The following NBR1 variants were observed in gnomAD, a reference collection of about 807,000 sequenced individuals.
NBR1 encodes the protein NBR1 autophagy cargo receptor.
Under a neutral mutation model 115.5 loss-of-function variants are expected in NBR1, and 59 were observed. The ratio of observed to expected loss-of-function variants is 0.51; its 90% CI spans 0.41 to 0.63. The LOEUF is 0.63. Ranked by LOEUF, NBR1 falls within the 30% of genes least tolerant of loss-of-function variation. The pLI is 0.00. For synonymous variants in NBR1, 373 were observed against 414.7 expected (o/e 0.90, Z 1.22); for missense variants, 1,043 against 1,150.5 (o/e 0.91, Z 1.35).
Position 43,208,106 on chromosome 17 carries a change from A to G in NBR1, c.2728-1795A>G, listed in dbSNP as rs565276877. Among the ~76,000 whole-genome samples the G allele has an allele frequency of 2.6e-5, 4 of 152,330 alleles. No homozygotes were observed. In the East Asian group the frequency reaches 5.8e-4, roughly 22 times the overall value. Reference sequence around the variant, plus strand: ...TGTTTTAATAAGGGGGACATGGTCAACGGTGTTAGATGCTACAGAGAGATA... The same window carrying G: ...TGTTTTAATAAGGGGGACATGGTCAGCGGTGTTAGATGCTACAGAGAGATA... On this transcript the variant is annotated intron_variant, in intron 20 of 20. Coordinates refer to ENST00000590996, the MANE Select transcript of NBR1 (RefSeq NM_005899.5).
chr17:43,190,710 C>T lies in NBR1; in HGVS notation c.797C>T (p.Ser266Phe), dbSNP rs200688322. The T allele has an allele frequency of 2.7e-4, 432 of 1,614,010 alleles. 1 individual carries two copies. The highest frequency in any genetic ancestry group is 6.6e-4 in the Middle Eastern group (4 of 6,060). ...AAGTTGCGGAGACCTGTTGTGGGCT[C>T]CTCTGAACCGTTCTGTCACTCAAAG... is the stretch of plus-strand genomic sequence containing the variant. Reference protein sequence around the residue: ...LLKLRRPVVGSSEPFCHSKYS... With the variant: ...LLKLRRPVVGFSEPFCHSKYS... The change falls in exon 9 of 21, where the codon TCC (serine) becomes TTC (phenylalanine). Residue 266 changes from serine (S) to phenylalanine (F), a missense_variant. By Grantham distance (155) the Ser-to-Phe change is radical. Transcript: ENST00000590996.
At position 43,193,583 on chromosome 17, in the gene NBR1, T is replaced by C; in HGVS notation, c.1469T>C (p.Ile490Thr). 2 of 1,612,006 alleles carry C rather than the reference T, an allele frequency of 1.2e-6. No homozygotes were observed. The highest frequency in any genetic ancestry group is 8.5e-7 in the Non-Finnish European group (1 of 1,179,098). The change falls in exon 12 of 21, where the codon ATT becomes ACT. Residue 490 changes from isoleucine to threonine, a missense_variant. Transcript: ENST00000590996. Reference protein sequence around the residue: ...PFPSEESPDNIEKGMISSSKT... With the variant: ...PFPSEESPDNTEKGMISSSKT... ...CCCTCCGAAGAGAGCCCTGATAACA[T>C]TGAAAAGGGCATGATCAGCTCAAGC...
chr17:43,182,187 C>T (rs1480393112), intron 5 of NBR1, among the ~76,000 whole-genome samples: 2 of 148,312 alleles, frequency 1.3e-5, no homozygotes, highest in African/African-American at 5.0e-5. Context: ...CATTTTTCAC[C>T]TCTTTCCCTC....
chr17:43,190,562 G>T lies in NBR1; in HGVS notation c.696-47G>T, dbSNP rs549937107. 5.8e-6 allele frequency: 9 copies of T among 1,543,974 alleles called. No homozygotes were observed. In the East Asian group the frequency reaches 2.0e-4, roughly 34 times the overall value. ...ATGGTCTTATATCTCCCTACCCCAG[G>T]TACTTCCTATTCTGCCATTGTGTAT... On this transcript the variant is annotated intron_variant, in intron 8 of 20. Transcript: ENST00000590996.
rs571324658 is a variant in NBR1 at position 43,172,995 on chromosome 17, T to C, written c.-10+1693T>C. Among the ~76,000 whole-genome samples the C allele has an allele frequency of 8.3e-4, 126 of 151,762 alleles. 1 individual carries two copies. The South Asian group carries it at 0.025, about 30-fold the overall frequency. On this transcript the variant is annotated intron_variant, in intron 1 of 20. Transcript: ENST00000590996. ...CGCCCACCACCACGCCTGGCTAAAT[T>C]TTTTGTATTTTTAGTAGAGACGGGG...
chr17:43,181,233 C>T (rs902100729), intron 5 of NBR1, among the ~76,000 whole-genome samples: 18 of 152,148 alleles, frequency 1.2e-4, no homozygotes, highest in Admixed American at 9.8e-4. Context: ...GAGACTAGTA[C>T]GTATAAACAC....
chr17:43,179,078 A>G (rs1003212340), intron 3 of NBR1, among the ~76,000 whole-genome samples: 5 of 152,210 alleles, frequency 3.3e-5, no homozygotes, highest in African/African-American at 1.2e-4. Context: ...ACTGAGGCAC[A>G]GAGAGGTGAA....
intron 8 of NBR1, 90 bp downstream of exon 8, chr17:43,189,892 G>T: frequency 9.0e-7 from 1 of 1,114,430 alleles, no homozygotes; most frequent in Non-Finnish European, 1.3e-6. Context: ...GAAATTAATT[G>T]TACCCTGTTT....
chr17:43,187,742 T>C (rs2056851159), intron 6 of NBR1, among the ~76,000 whole-genome samples: 1 of 151,588 alleles, frequency 6.6e-6, no homozygotes, highest in African/African-American at 2.4e-5. Flanking sequence ...ACTCCTGACC[T>C]TGTGATCCGC....
chr17:43,202,787 TCA>T lies in NBR1; in HGVS notation c.2621+78_2621+79del, dbSNP rs560534361. ...TATTCCTTCTGCTTAAAAGAGCCTC[TCA>T]CAGTATGTACCCATCTTCAGAGAGC... is the stretch of plus-strand genomic sequence containing the variant. On this transcript the variant is annotated intron_variant, in intron 19 of 20. Coordinates refer to ENST00000590996, the MANE Select transcript of NBR1 (RefSeq NM_005899.5). The T allele has an allele frequency of 4.7e-4, 550 of 1,170,152 alleles. 1 individual carries two copies. In the African/African-American group the frequency reaches 7.2e-3, roughly 15 times the overall value. The allele number at this position is 1,170,152 out of a possible 1,614,324, so 72.5% of individuals were successfully genotyped here.
chr17:43,203,674 T>A lies in NBR1; in HGVS notation c.2622-7T>A. ...GTTTGGGGAGATAATTTGGTTTTCCTCTGCAGGCACCATCATGGGAGCAGC... is the reference window on the plus strand; with the variant it reads ...GTTTGGGGAGATAATTTGGTTTTCCACTGCAGGCACCATCATGGGAGCAGC... On this transcript the variant is annotated splice_polypyrimidine_tract_variant and splice_region_variant and intron_variant, in intron 19 of 20. Coordinates refer to ENST00000590996, the MANE Select transcript of NBR1 (RefSeq NM_005899.5). 1 of 1,596,258 alleles carries A rather than the reference T, an allele frequency of 6.3e-7. No homozygotes were observed. Among genetic ancestry groups the A allele is most frequent in the East Asian group, 2.2e-5 (1 of 44,620 alleles).
chr17:43,191,870 G>A (rs553899525), intron 10 of NBR1, among the ~76,000 whole-genome samples: 5 of 151,840 alleles, frequency 3.3e-5, no homozygotes, highest in African/African-American at 7.3e-5. Flanking sequence ...ACAAGCACCC[G>A]CCACCACGCC....
At chr17:43,208,343 G>A (rs2057355341) in intron 20 of NBR1, among the ~76,000 whole-genome samples, 1 of 152,064 alleles carries the variant, frequency 6.6e-6, no homozygotes, top group Non-Finnish European at 1.5e-5. Flanking sequence ...AGTGGTGAGA[G>A]GTAATAAGAT....
At chr17:43,173,086 A>G (rs1055418368) in intron 1 of NBR1, among the ~76,000 whole-genome samples, 56 of 152,272 alleles carry the variant, frequency 3.7e-4, no homozygotes, top group African/African-American at 1.3e-3. Context: ...TCGGCCTCCC[A>G]AAGTGCTGGG....
Position 43,193,337 on chromosome 17 carries a change from G to A in NBR1, c.1234-11G>A, listed in dbSNP as rs2056991954. 1 of 1,613,010 alleles carries A rather than the reference G, an allele frequency of 6.2e-7. No individual in the cohort carries two copies. Among genetic ancestry groups the A allele is most frequent in the Non-Finnish European group, 8.5e-7 (1 of 1,179,194 alleles). Reference sequence around the variant, plus strand: ...GACAAGCTTGCTTTCTCTTCTTACTGTTCTTTTCAGCTCAAGTTCATGTGG... The same window carrying A: ...GACAAGCTTGCTTTCTCTTCTTACTATTCTTTTCAGCTCAAGTTCATGTGG... On this transcript the variant is annotated splice_polypyrimidine_tract_variant and intron_variant, in intron 11 of 20. Coordinates refer to ENST00000590996, the MANE Select transcript of NBR1 (RefSeq NM_005899.5).
intron 1 of NBR1, among the ~76,000 whole-genome samples, chr17:43,171,650 C>G (rs868385096): frequency 6.6e-6 from 1 of 152,200 alleles, no homozygotes; most frequent in Non-Finnish European, 1.5e-5. Flanking sequence ...AACTGGAAGA[C>G]TAGGATGAAC....
At chr17:43,179,022 C>T (rs1392604969) in intron 3 of NBR1, among the ~76,000 whole-genome samples, 1 of 152,064 alleles carries the variant, frequency 6.6e-6, no homozygotes, top group Non-Finnish European at 1.5e-5. Flanking sequence ...GCCACAGTAC[C>T]ATGTATTGAG....
In NBR1 at chr17:43,197,019, C is replaced by A; in HGVS notation, c.1939C>A (p.Gln647Lys). 2.5e-6 allele frequency: 4 copies of A among 1,613,992 alleles called. No homozygotes were observed. Among genetic ancestry groups the A allele is most frequent in the Non-Finnish European group, 3.4e-6 (4 of 1,179,882 alleles). ...AGCAGAAGAAGACCTGAGTGGGACCCAGTTTGTGTGTGAGACAGTAATCCG... is the reference window on the plus strand; with the variant it reads ...AGCAGAAGAAGACCTGAGTGGGACCAAGTTTGTGTGTGAGACAGTAATCCG... ...EEAEEDLSGT[Q>K]FVCETVIRSL... The change falls in exon 16 of 21, where the codon CAG becomes AAG. Residue 647 changes from glutamine (Q) to lysine (K), a missense_variant. Gln to Lys is a moderately conservative substitution (Grantham distance 53). Transcript: ENST00000590996.
chr17:43,197,383 G>A (rs1296140429), intron 16 of NBR1, among the ~76,000 whole-genome samples: 1 of 152,064 alleles, frequency 6.6e-6, no homozygotes, highest in Non-Finnish European at 1.5e-5. Context: ...GCCTGGCGAC[G>A]TGGCGGGTGC....
Sources: allele counts gnomAD v4.1 joint callset (sites outside exome capture counted in the v4.1 genomes callset), GRCh38; gene constraint gnomAD v4.1.1; transcripts MANE v1.5; gene names NCBI Gene and HGNC (gene_info 2026-07-23, HGNC 2026-07-21).